CDK6: variants seen among roughly 807,000 people sequenced by gnomAD.
The protein encoded by CDK6 is cyclin dependent kinase 6, also known as cyclin-dependent kinase 6.
In CDK6, 6 loss-of-function variants were observed where a neutral mutation model predicts 37.1. The ratio of observed to expected loss-of-function variants is 0.16; its 90% confidence interval spans 0.09 to 0.32. CDK6 has a LOEUF of 0.32. Among genes scored for constraint, CDK6 ranks in the 10% least tolerant of loss-of-function variants. The pLI, the probability that CDK6 is intolerant of heterozygous loss-of-function variation, is 1.00. For missense variants in CDK6, 224 were observed against 418.9 expected (o/e 0.53, Z 4.06); for synonymous variants, 160 against 161.3 (o/e 0.99, Z 0.06).
chr7:92,751,866 G>T (rs759444511), intron 3 of CDK6, among the ~76,000 whole-genome samples: 7 of 151,920 alleles, frequency 4.6e-5, no homozygotes, highest in Admixed American at 3.9e-4. Flanking sequence ...CACTTAAGAG[G>T]ATTATAATAA....
intron 4 of CDK6, among the ~76,000 whole-genome samples, chr7:92,709,718 A>G (rs540767950): frequency 2.0e-4 from 31 of 152,196 alleles, no homozygotes; most frequent in South Asian, 1.2e-3. Flanking sequence ...GTTTAACATA[A>G]TTTTTCTTAT....
intron 5 of CDK6, among the ~76,000 whole-genome samples, chr7:92,651,178 C>T (rs1256965740): frequency 6.6e-6 from 1 of 152,170 alleles, no homozygotes; most frequent in African/African-American, 2.4e-5. Context: ...GCGTAAGCCA[C>T]GGTGCGAGGC....
chr7:92,705,159 T>C (rs1797938630), intron 4 of CDK6, among the ~76,000 whole-genome samples: 1 of 152,216 alleles, frequency 6.6e-6, no homozygotes, highest in African/African-American at 2.4e-5. Flanking sequence ...TTTGAGATTA[T>C]TTTCTTTCTT....
chr7:92,824,366 A>G (rs1370670147), intron 2 of CDK6, among the ~76,000 whole-genome samples: 1 of 152,124 alleles, frequency 6.6e-6, no homozygotes, highest in Non-Finnish European at 1.5e-5. Context: ...TTAAAAAATA[A>G]AAGAAAGAAA....
At chr7:92,817,917 T>C (rs1482589384) in intron 2 of CDK6, among the ~76,000 whole-genome samples, 1 of 151,862 alleles carries the variant, frequency 6.6e-6, no homozygotes, top group African/African-American at 2.4e-5. Context: ...GAGATAAATT[T>C]AATAAAATGC....
At chr7:92,727,467 A>G (rs1798540222) in intron 3 of CDK6, among the ~76,000 whole-genome samples, 1 of 152,212 alleles carries the variant, frequency 6.6e-6, no homozygotes, top group African/African-American at 2.4e-5. Context: ...TACTTTTCCT[A>G]CTATTAAGGG....
chr7:92,709,819 A>C (rs926505184), intron 4 of CDK6, among the ~76,000 whole-genome samples: 6 of 152,152 alleles, frequency 3.9e-5, no homozygotes, highest in Non-Finnish European at 8.8e-5. Context: ...GCTCATACTC[A>C]AAAAGTGTTT....
In CDK6 at chr7:92,657,858, G is replaced by A. The variant is rs564179417; in HGVS notation, c.647+13568C>T. Among the ~76,000 whole-genome samples the A allele has an allele frequency of 1.4e-3, 218 of 152,240 alleles. 1 individual carries two copies. Among genetic ancestry groups the A allele is most frequent in the African/African-American group, 4.9e-3 (203 of 41,538 alleles). On this transcript the variant is annotated intron_variant, in intron 5 of 7. Coordinates refer to ENST00000424848, the MANE Select transcript of CDK6 (RefSeq NM_001145306.2). Reference sequence around the variant, plus strand: ...AGCCTCTGAGTAGCTGGGAGTACAGGAGCACATCACTATGCCCAGATGATT... The same window carrying A: ...AGCCTCTGAGTAGCTGGGAGTACAGAAGCACATCACTATGCCCAGATGATT...
At chr7:92,826,635 A>C (rs1801321428) in intron 2 of CDK6, among the ~76,000 whole-genome samples, 1 of 152,166 alleles carries the variant, frequency 6.6e-6, no homozygotes, top group Admixed American at 6.5e-5. Context: ...GTCAAAGCCA[A>C]AGCAAGTACA....
chr7:92,729,188 G>A (rs908913821), intron 3 of CDK6, among the ~76,000 whole-genome samples: 4 of 152,154 alleles, frequency 2.6e-5, no homozygotes, highest in Admixed American at 6.5e-5. Flanking sequence ...CTCTACGTAA[G>A]CTTATGATCT....
chr7:92,758,612 T>A (rs1451287230), intron 3 of CDK6, among the ~76,000 whole-genome samples: 2 of 152,190 alleles, frequency 1.3e-5, no homozygotes, highest in Non-Finnish European at 2.9e-5. Context: ...CCTTGGCTAT[T>A]CAGGCTCTGT....
At chr7:92,731,287 T>C (rs545208142) in intron 3 of CDK6, among the ~76,000 whole-genome samples, 1 of 152,186 alleles carries the variant, frequency 6.6e-6, no homozygotes, top group South Asian at 2.1e-4. Context: ...GAATGCTTCA[T>C]CCAAAATCAC....
In CDK6 at chr7:92,833,912, G is replaced by A. The variant is rs535391237; in HGVS notation, c.-367-222C>T. On this transcript the variant is annotated intron_variant, in intron 1 of 7. Transcript: ENST00000424848. This position sits in a 1 kb window ranked among gnomAD's most constrained non-coding sequence, Gnocchi z 6.1. ...AGGGCTGAAGCCGTCTTCGCGCGGA[G>A]AGGTTGCAGGGGCCCCTCGGGGATG... 5.0e-6 allele frequency: 2 copies of A among 398,954 alleles called. No individual in the cohort carries two copies. Among genetic ancestry groups the A allele is most frequent in the Non-Finnish European group, 4.4e-6 (1 of 226,368 alleles). The allele number at this position is 398,954 out of a possible 1,614,324, so 24.7% of individuals were successfully genotyped here. A position where few individuals can be genotyped will look rare whatever the true frequency, so the allele number is the denominator to read the frequency against.
chr7:92,794,371 C>G (rs1562967094), intron 2 of CDK6, among the ~76,000 whole-genome samples: 1 of 152,094 alleles, frequency 6.6e-6, no homozygotes, highest in African/African-American at 2.4e-5. Context: ...GATTTGTACT[C>G]AGAAAACCAA....
rs1399630488 is a variant in CDK6, at chr7:92,609,275, G to A, written c.*5865C>T. ...ACTAAATTTCAAGTGACACTGCTGT[G>A]AGAAAGGTGACCTCTAAAATTAACT... On this transcript the variant is annotated 3_prime_UTR_variant, in exon 8 of 8. Coordinates refer to ENST00000424848, the MANE Select transcript of CDK6 (RefSeq NM_001145306.2). 8.6e-6 allele frequency: 2 copies of A among 232,598 alleles called. No individual in the cohort carries two copies. The highest frequency in any genetic ancestry group is 1.7e-5 in the Non-Finnish European group (2 of 117,776). 14.4% of individuals were successfully genotyped at this position (232,598 alleles called of 1,614,324 possible).
At chr7:92,787,185 C>CAAAAAAA (rs761038672) in intron 2 of CDK6, among the ~76,000 whole-genome samples, 3 of 35,446 alleles carry the variant, frequency 8.5e-5, no homozygotes, top group Admixed American at 4.8e-4. Context: ...GACTCCATCA[C>CAAAAAAA]AAAAAAAAAA....
At chr7:92,762,422 C>T (rs1465410100) in intron 3 of CDK6, among the ~76,000 whole-genome samples, 1 of 152,048 alleles carries the variant, frequency 6.6e-6, no homozygotes, top group Non-Finnish European at 1.5e-5. Flanking sequence ...GCTTTTATAC[C>T]ATCTTAGTCT....
At chr7:92,764,788 T>C (rs1799539287) in intron 3 of CDK6, among the ~76,000 whole-genome samples, 1 of 152,236 alleles carries the variant, frequency 6.6e-6, no homozygotes, top group Non-Finnish European at 1.5e-5. Context: ...AATTACTTAC[T>C]TAACTGCAAT....
At chr7:92,700,040 C>T in intron 4 of CDK6, among the ~76,000 whole-genome samples, 1 of 152,142 alleles carries the variant, frequency 6.6e-6, no homozygotes, top group East Asian at 1.9e-4. Flanking sequence ...GTTATATACA[C>T]ATCAACTCCA....
Sources: gnomAD v4.1 joint callset for allele counts (sites outside exome capture counted in the v4.1 genomes callset) on GRCh38, gnomAD v4.1.1 for gene constraint, Gnocchi (gnomAD v3.1) non-coding constraint, MANE v1.5 for transcripts, NCBI Gene and HGNC (gene_info 2026-07-23, HGNC 2026-07-21) for gene names.